The following HS3ST4 variants were observed in gnomAD, a reference collection of about 807,000 sequenced individuals.
HS3ST4 encodes heparan sulfate-glucosamine 3-sulfotransferase 4.
In HS3ST4, 17 loss-of-function variants were observed where a neutral mutation model predicts 29.2. The ratio of observed to expected loss-of-function variants is 0.58; its 90% CI spans 0.40 to 0.87. The LOEUF is 0.87. HS3ST4 is among the 40% of genes least tolerant of loss of function. The pLI is 0.00. For missense variants in HS3ST4, 627 were observed against 634.5 expected (o/e 0.99, Z 0.13); for synonymous variants, 314 against 285.7 (o/e 1.10, Z -1.00).
At chr16:26,106,391 A>C (rs1899057592) in intron 1 of HS3ST4, among the ~76,000 whole-genome samples, 1 of 152,212 alleles carries the variant, frequency 6.6e-6, no homozygotes, top group South Asian at 2.1e-4. Context: ...AAAGGAACCT[A>C]TCTGGCTACT....
chr16:25,985,996 C>G (rs1969058808), intron 1 of HS3ST4, among the ~76,000 whole-genome samples: 1 of 152,172 alleles, frequency 6.6e-6, no homozygotes, highest in Non-Finnish European at 1.5e-5. Context: ...TTCCTTTCCC[C>G]TTAAAGCCTA....
intron 1 of HS3ST4, among the ~76,000 whole-genome samples, chr16:25,955,111 C>G (rs984160957): frequency 1.3e-5 from 2 of 152,102 alleles, no homozygotes; most frequent in Non-Finnish European, 2.9e-5. Context: ...CAAGGTATTT[C>G]GGTAAACTCT....
chr16:25,972,794 G>A (rs1968910375), intron 1 of HS3ST4, among the ~76,000 whole-genome samples: 2 of 152,196 alleles, frequency 1.3e-5, no homozygotes, highest in Admixed American at 1.3e-4. Context: ...ATCCTTAGGA[G>A]CCATCAGTGC....
At chr16:25,693,811 T>G (rs1313902810) in intron 1 of HS3ST4, among the ~76,000 whole-genome samples, 1 of 152,102 alleles carries the variant, frequency 6.6e-6, no homozygotes, top group Non-Finnish European at 1.5e-5. Flanking sequence ...CCCTGAGAGT[T>G]TTTATGCCTC....
At chr16:25,710,119 A>T (rs147079140) in intron 1 of HS3ST4, among the ~76,000 whole-genome samples, 36 of 152,138 alleles carry the variant, frequency 2.4e-4, no homozygotes, top group Non-Finnish European at 3.5e-4. Context: ...GTGTGATTTA[A>T]TTTTTTCTGC....
At chr16:25,700,385 T>C (rs1966326858) in intron 1 of HS3ST4, among the ~76,000 whole-genome samples, 2 of 152,208 alleles carry the variant, frequency 1.3e-5, no homozygotes, top group South Asian at 2.1e-4. Context: ...CTTTCGTGCT[T>C]CTGCAGAACC....
At chr16:25,906,958 GC>G (rs1156705230) in intron 1 of HS3ST4, among the ~76,000 whole-genome samples, 13 of 152,178 alleles carry the variant, frequency 8.5e-5, no homozygotes, top group African/African-American at 3.1e-4. Flanking sequence ...GCTTTGAGAA[GC>G]CTAGGCAGGA....
chr16:26,038,641 ATT>A (rs111270112), intron 1 of HS3ST4, among the ~76,000 whole-genome samples: 1 of 146,370 alleles, frequency 6.8e-6, no homozygotes, highest in African/African-American at 2.5e-5. Context: ...CAATGGTTCT[ATT>A]TTTTTTTTAA....
At chr16:26,009,594 C>T (rs372123912) in intron 1 of HS3ST4, among the ~76,000 whole-genome samples, 4 of 152,122 alleles carry the variant, frequency 2.6e-5, no homozygotes, top group Admixed American at 1.3e-4. Flanking sequence ...CCACCTTACT[C>T]GGGTGTGCAG....
chr16:26,127,498 A>G (rs1899360485), intron 1 of HS3ST4, among the ~76,000 whole-genome samples: 1 of 152,214 alleles, frequency 6.6e-6, no homozygotes, highest in African/African-American at 2.4e-5. Flanking sequence ...TTCCCCAAGT[A>G]AGAATGTTGA....
At chr16:26,133,150 C>T (rs1899442043) in intron 1 of HS3ST4, among the ~76,000 whole-genome samples, 2 of 151,606 alleles carry the variant, frequency 1.3e-5, no homozygotes, top group Admixed American at 6.6e-5. Context: ...TTTCCTTGCC[C>T]TTCTGTAAGA....
chr16:25,998,688 G>C (rs1356993294), intron 1 of HS3ST4, among the ~76,000 whole-genome samples: 2 of 151,770 alleles, frequency 1.3e-5, no homozygotes, highest in African/African-American at 4.8e-5. Flanking sequence ...TCACTTCCTG[G>C]GATGAATTTT....
chr16:25,808,652 T>G (rs919152571), intron 1 of HS3ST4, among the ~76,000 whole-genome samples: 2 of 152,212 alleles, frequency 1.3e-5, no homozygotes, highest in Non-Finnish European at 2.9e-5. Context: ...TACAAAAACC[T>G]TGTGCAGTTT....
intron 1 of HS3ST4, among the ~76,000 whole-genome samples, chr16:25,742,900 A>G (rs1393042245): frequency 2.0e-5 from 3 of 152,152 alleles, no homozygotes; most frequent in Non-Finnish European, 4.4e-5. Flanking sequence ...CTGATTTCTA[A>G]TGCATCTCTT....
intron 1 of HS3ST4, among the ~76,000 whole-genome samples, chr16:25,739,862 G>A (rs1966640729): frequency 6.6e-6 from 1 of 152,162 alleles, no homozygotes. Context: ...ACATCTTCCT[G>A]TGGTTGAAGT....
At chr16:25,772,036 G>A (rs1966842948) in intron 1 of HS3ST4, among the ~76,000 whole-genome samples, 2 of 152,172 alleles carry the variant, frequency 1.3e-5, no homozygotes, top group South Asian at 2.1e-4. Context: ...GGCTTCATGA[G>A]CCATATGGTC....
At chr16:25,986,239 G>C (rs1330403302) in intron 1 of HS3ST4, among the ~76,000 whole-genome samples, 1 of 152,096 alleles carries the variant, frequency 6.6e-6, no homozygotes, top group Non-Finnish European at 1.5e-5. Flanking sequence ...TGAGTTCCAG[G>C]AGAGTAGGTT....
Position 25,693,128 on chromosome 16 carries a change from C to T in HS3ST4, c.711C>T (p.Tyr237=). The T allele has an allele frequency of 6.2e-7, 1 of 1,607,896 alleles. No individual in the cohort carries two copies. Among genetic ancestry groups the T allele is most frequent in the Non-Finnish European group, 8.5e-7 (1 of 1,177,400 alleles). Residue 237 remains tyrosine (Y), a synonymous_variant, in exon 1 of 2, where the codon TAC becomes TAT. Coordinates refer to ENST00000331351, the MANE Select transcript of HS3ST4 (RefSeq NM_006040.3). ...GVEPHFFDRN[Y]EKGLEWYRNV... Reference sequence around the variant, plus strand: ...AGCCGCACTTCTTCGACAGGAACTACGAAAAGGGGTTGGAGTGGTACAGGT... The same window carrying T: ...AGCCGCACTTCTTCGACAGGAACTATGAAAAGGGGTTGGAGTGGTACAGGT...
chr16:25,918,000 G>C, intron 1 of HS3ST4, among the ~76,000 whole-genome samples: 1 of 152,108 alleles, frequency 6.6e-6, no homozygotes, highest in Non-Finnish European at 1.5e-5. Context: ...TTATGATCAG[G>C]CTAACGCATC....
Sources: gnomAD v4.1 joint callset for allele counts (sites outside exome capture counted in the v4.1 genomes callset) on GRCh38, gnomAD v4.1.1 for gene constraint, MANE v1.5 for transcripts, NCBI Gene and HGNC (gene_info 2026-07-23, HGNC 2026-07-21) for gene names.